NFYB: variants seen among roughly 807,000 people sequenced by gnomAD.
NFYB encodes CAAT box DNA-binding protein subunit B.
A neutral mutation model predicts 28.0 loss-of-function variants in NFYB; 13 were observed. The observed-to-expected ratio is 0.46, with a 90% CI of 0.30 to 0.74. The LOEUF (loss-of-function observed/expected upper bound fraction) is 0.74, where lower values mean the gene tolerates loss of function less well. Ranked by LOEUF, NFYB falls within the 30% of genes least tolerant of loss-of-function variation. The pLI is 0.07. For missense variants in NFYB, 142 were observed against 247.6 expected (o/e 0.57, Z 2.86); for synonymous variants, 74 against 75.0 (o/e 0.99, Z 0.07).
rs2030922515 is a variant in NFYB, at chr12:104,131,547, C to T, written c.7-3030G>A. 8.6e-6 allele frequency: 3 copies of T among 347,176 alleles called. No individual in the cohort carries two copies. In the Admixed American group the frequency reaches 1.2e-4, roughly 13 times the overall value. The allele number at this position is 347,176 out of a possible 1,614,324, so 21.5% of individuals were successfully genotyped here. ...TTTAAAGCTCTATGGCACTTAGTAC[C>T]TTTCACTCAATAAGTCAACCTAATC... On this transcript the variant is annotated intron_variant, in intron 2 of 7. Coordinates refer to ENST00000240055, the MANE Select transcript of NFYB (RefSeq NM_006166.4).
intron 3 of NFYB, 24 bp from the exon 4 acceptor site, chr12:104,126,268 T>A (rs376133138): frequency 4.1e-5 from 61 of 1,497,204 alleles, no homozygotes; most frequent in Non-Finnish European, 5.0e-5. Flanking sequence ...AATATTTAGG[T>A]GTAAAGCTTC....
At chr12:104,120,627 T>C (rs2030436128) in intron 6 of NFYB, 148 bp from the exon 7 acceptor site, 4 of 620,020 alleles carry the variant, frequency 6.5e-6, no homozygotes, top group Non-Finnish European at 1.1e-5. Flanking sequence ...CCTCCAATTT[T>C]CCATTTTAAA....
intron 1 of NFYB, among the ~76,000 whole-genome samples, chr12:104,136,352 T>C (rs572075575): frequency 1.3e-5 from 2 of 152,280 alleles, no homozygotes; most frequent in Admixed American, 6.5e-5. Context: ...GGAGAAGATA[T>C]ACTGATACGC....
At chr12:104,132,565 GA>G (rs1207998424) in intron 2 of NFYB, among the ~76,000 whole-genome samples, 1 of 152,206 alleles carries the variant, frequency 6.6e-6, no homozygotes, top group Non-Finnish European at 1.5e-5. Context: ...GAGAGCGCTG[GA>G]GATCAAGAGA....
At chr12:104,125,911 G>C (rs901339821) in intron 4 of NFYB, among the ~76,000 whole-genome samples, 1 of 151,490 alleles carries the variant, frequency 6.6e-6, no homozygotes, top group African/African-American at 2.4e-5. Flanking sequence ...CAATAAGTGG[G>C]AGAGAGGAGA....
At chr12:104,134,963 C>T (rs2031051434) in intron 2 of NFYB, among the ~76,000 whole-genome samples, 1 of 152,182 alleles carries the variant, frequency 6.6e-6, no homozygotes, top group South Asian at 2.1e-4. Flanking sequence ...TACTCCCGAT[C>T]CCCTAAACTT....
At chr12:104,120,953 T>C (rs1282709049) in intron 6 of NFYB, among the ~76,000 whole-genome samples, 1 of 152,214 alleles carries the variant, frequency 6.6e-6, no homozygotes, top group Non-Finnish European at 1.5e-5. Context: ...TAAGATTTTA[T>C]ATTACAAACT....
rs2136674645 is a variant in NFYB at position 104,135,443 on chromosome 12, C to T, written c.6+5G>A. On this transcript the variant is annotated splice_donor_5th_base_variant and intron_variant, in intron 2 of 7. Transcript: ENST00000240055. ...TTAACAACCAAAATGGTAAAATATACTTACTGTCATGAAATACTGTCAGAA... is the reference window on the plus strand; with the variant it reads ...TTAACAACCAAAATGGTAAAATATATTTACTGTCATGAAATACTGTCAGAA... The T allele has an allele frequency of 6.3e-7, 1 of 1,590,568 alleles. No individual in the cohort carries two copies. The highest frequency in any genetic ancestry group is 8.5e-7 in the Non-Finnish European group (1 of 1,171,144).
chr12:104,132,684 G>A (rs929232941), intron 2 of NFYB, among the ~76,000 whole-genome samples: 1 of 152,210 alleles, frequency 6.6e-6, no homozygotes, highest in Non-Finnish European at 1.5e-5. Context: ...GAGACAGACA[G>A]CTGTCACCGC....
chr12:104,131,823 A>G, intron 2 of NFYB: 1 of 455,716 alleles, frequency 2.2e-6, no homozygotes, highest in Non-Finnish European at 4.4e-6. Flanking sequence ...AGCTTGCAGG[A>G]CAAATGTTAC....
chr12:104,127,235 C>T (rs573063466), intron 3 of NFYB, among the ~76,000 whole-genome samples: 2 of 152,178 alleles, frequency 1.3e-5, no homozygotes, highest in Admixed American at 1.3e-4. Context: ...AAATTAATCC[C>T]TCTGGCAAGT....
chr12:104,121,382 T>C, intron 5 of NFYB, 61 bp from the exon 6 acceptor site: 3 of 1,395,506 alleles, frequency 2.1e-6, no homozygotes, highest in Non-Finnish European at 3.0e-6. Context: ...CAAATGCAAA[T>C]GCTTACTTAT....
At chr12:104,122,832 A>T (rs1160155978) in intron 5 of NFYB, among the ~76,000 whole-genome samples, 1 of 152,212 alleles carries the variant, frequency 6.6e-6, no homozygotes, top group Non-Finnish European at 1.5e-5. Flanking sequence ...TTTTAAAACA[A>T]GTAATACATT....
chr12:104,126,085 A>C (rs777664845), intron 4 of NFYB, 29 bp downstream of exon 4: 1 of 1,543,922 alleles, frequency 6.5e-7, no homozygotes, highest in Non-Finnish European at 8.7e-7. Flanking sequence ...CCCTTGAAAA[A>C]ACCTAGTTAA....
rs966461385 is a variant in NFYB at position 104,117,616 on chromosome 12, A to C, written c.*2121T>G. The C allele has an allele frequency of 6.6e-6, 1 of 152,298 alleles. No homozygotes were observed. The highest frequency in any genetic ancestry group is 1.5e-5 in the Non-Finnish European group (1 of 68,138). 9.4% of individuals were successfully genotyped at this position (152,298 alleles called of 1,614,324 possible). ...AGACGGGGGGTTCTCCATGTTGGCCAGGCTGGTCTCAAACTCCTGACCTCA... is the reference window on the plus strand; with the variant it reads ...AGACGGGGGGTTCTCCATGTTGGCCCGGCTGGTCTCAAACTCCTGACCTCA... On this transcript the variant is annotated 3_prime_UTR_variant, in exon 8 of 8. Coordinates refer to ENST00000240055, the MANE Select transcript of NFYB (RefSeq NM_006166.4).
rs2030364454 is a variant in NFYB at position 104,118,941 on chromosome 12, A to G, written c.*796T>C. ...GATATGATTTGAAAAAAAATCATGT[A>G]CCAAATGAAAGGGGCACCATTTCAA... On this transcript the variant is annotated 3_prime_UTR_variant, in exon 8 of 8. Coordinates refer to ENST00000240055, the MANE Select transcript of NFYB (RefSeq NM_006166.4). 1 of 152,236 alleles carries G rather than the reference A, an allele frequency of 6.6e-6. No individual in the cohort carries two copies. The highest frequency in any genetic ancestry group is 1.5e-5 in the Non-Finnish European group (1 of 68,032). 9.4% of individuals were successfully genotyped at this position (152,236 alleles called of 1,614,324 possible).
At chr12:104,135,354 A>G in intron 2 of NFYB, 94 bp downstream of exon 2, 1 of 1,091,068 alleles carries the variant, frequency 9.2e-7, no homozygotes, top group East Asian at 2.6e-5. Flanking sequence ...CATTCATTCT[A>G]CCAGGCACCT....
intron 3 of NFYB, among the ~76,000 whole-genome samples, chr12:104,126,458 T>A (rs576060506): frequency 1.3e-5 from 2 of 152,274 alleles, no homozygotes; most frequent in East Asian, 3.9e-4. Flanking sequence ...ACACTTTTTA[T>A]CCTCAAATAT....
In NFYB at chr12:104,138,147, T is replaced by C. The variant is rs2031194788; in HGVS notation, c.-86A>G. ...GCCGAAGCGAGACACAAACCTCCAA[T>C]GCAGCCCTGGTTGGCTCCCGTCTCC... On this transcript the variant is annotated 5_prime_UTR_variant, in exon 1 of 8. Transcript: ENST00000240055. 6.8e-6 allele frequency: 1 copy of C among 148,138 alleles called. No homozygotes were observed. 9.2% of individuals were successfully genotyped at this position (148,138 alleles called of 1,614,324 possible). A position where few individuals can be genotyped will look rare whatever the true frequency, so the allele number is the denominator to read the frequency against.
Sources: gnomAD v4.1 joint callset for allele counts (sites outside exome capture counted in the v4.1 genomes callset) on GRCh38, gnomAD v4.1.1 for gene constraint, MANE v1.5 for transcripts, NCBI Gene and HGNC (gene_info 2026-07-23, HGNC 2026-07-21) for gene names.